The following CSMD1 variants were observed in gnomAD, a reference collection of about 807,000 sequenced individuals.
CSMD1 encodes CUB and sushi domain-containing protein 1.
A neutral mutation model predicts 417.5 loss-of-function variants in CSMD1; 213 were observed. That is an observed-to-expected ratio of 0.51 (90% CI 0.46 to 0.57). The LOEUF (loss-of-function observed/expected upper bound fraction) is 0.57, where lower values mean the gene tolerates loss of function less well. Ranked by LOEUF, CSMD1 falls within the 20% of genes least tolerant of loss-of-function variation. CSMD1 has a pLI of 0.00. For missense variants in CSMD1, 6,923 were observed against 4,529.7 expected (o/e 1.53, Z -15.17); for synonymous variants, 2,862 against 1,736.8 (o/e 1.65, Z -16.11).
At chr8:4,969,475 TTC>T (rs965696426) in intron 1 of CSMD1, among the ~76,000 whole-genome samples, 2 of 151,076 alleles carry the variant, frequency 1.3e-5, no homozygotes, top group Non-Finnish European at 2.9e-5. Flanking sequence ...TATTCATTCA[TTC>T]TCTCTCTCTC....
chr8:3,122,349 C>G (rs1817258367), intron 41 of CSMD1, among the ~76,000 whole-genome samples: 1 of 152,204 alleles, frequency 6.6e-6, no homozygotes, highest in African/African-American at 2.4e-5. Flanking sequence ...TACCATGGAA[C>G]TACTGCGTTG....
intron 4 of CSMD1, among the ~76,000 whole-genome samples, chr8:4,002,901 T>A (rs1815802846): frequency 6.6e-6 from 1 of 152,204 alleles, no homozygotes; most frequent in African/African-American, 2.4e-5. Context: ...ATATAATATA[T>A]GGTCTCAAAT....
intron 5 of CSMD1, among the ~76,000 whole-genome samples, chr8:3,935,420 G>A (rs1236290723): frequency 6.6e-6 from 1 of 152,082 alleles, no homozygotes; most frequent in Admixed American, 6.5e-5. Flanking sequence ...AAATAACTGG[G>A]TTTTTGAAAA....
chr8:4,264,184 G>C (rs754506634), intron 3 of CSMD1, among the ~76,000 whole-genome samples: 1 of 152,126 alleles, frequency 6.6e-6, no homozygotes, highest in Middle Eastern at 3.2e-3. Context: ...CTGTTATGTG[G>C]TGATGATGAT....
At chr8:4,630,017 T>A (rs529443248) in intron 2 of CSMD1, among the ~76,000 whole-genome samples, 2 of 152,242 alleles carry the variant, frequency 1.3e-5, no homozygotes, top group East Asian at 3.9e-4. Context: ...TCTCTGCCCA[T>A]ATTAGTATGG....
chr8:4,738,604 T>C (rs1028416039), intron 1 of CSMD1, among the ~76,000 whole-genome samples: 2 of 152,108 alleles, frequency 1.3e-5, no homozygotes, highest in Admixed American at 6.6e-5. Context: ...TATATCACCA[T>C]CTAGCATCTG....
intron 3 of CSMD1, among the ~76,000 whole-genome samples, chr8:4,282,603 C>A (rs1445936289): frequency 6.6e-6 from 1 of 152,152 alleles, no homozygotes; most frequent in Non-Finnish European, 1.5e-5. Context: ...AGATTACAGT[C>A]AGGGAGAAAG....
intron 21 of CSMD1, among the ~76,000 whole-genome samples, chr8:3,355,811 G>T (rs1448259554): frequency 6.6e-6 from 1 of 152,082 alleles, no homozygotes; most frequent in Non-Finnish European, 1.5e-5. Context: ...GCCAATGTGG[G>T]CAACTTTTTC....
intron 1 of CSMD1, among the ~76,000 whole-genome samples, chr8:4,933,545 G>A (rs558032225): frequency 7.9e-5 from 12 of 152,256 alleles, no homozygotes; most frequent in South Asian, 6.2e-4. Flanking sequence ...AAATACTTTC[G>A]AAAAGTAGCA....
At chr8:4,222,221 T>C (rs993116933) in intron 3 of CSMD1, among the ~76,000 whole-genome samples, 1 of 152,158 alleles carries the variant, frequency 6.6e-6, no homozygotes, top group African/African-American at 2.4e-5. Context: ...TCAAGATTCC[T>C]GTAACACGCA....
At chr8:3,420,794 G>A (rs890877664) in intron 12 of CSMD1, among the ~76,000 whole-genome samples, 5 of 152,058 alleles carry the variant, frequency 3.3e-5, no homozygotes, top group African/African-American at 7.2e-5. Flanking sequence ...ACCATTCTGC[G>A]CATGGATTGA....
intron 2 of CSMD1, among the ~76,000 whole-genome samples, chr8:4,545,037 A>AT (rs1246547332): frequency 6.6e-6 from 1 of 152,240 alleles, no homozygotes; most frequent in African/African-American, 2.4e-5. Context: ...GCATGCACCC[A>AT]TTTAAACAAT....
chr8:3,512,806 A>G (rs1426158448), intron 10 of CSMD1, among the ~76,000 whole-genome samples: 1 of 151,808 alleles, frequency 6.6e-6, no homozygotes, highest in Non-Finnish European at 1.5e-5. Context: ...GGGTTTCACC[A>G]TGTTGGCTAG....
chr8:4,218,261 C>T (rs755078494), intron 3 of CSMD1, among the ~76,000 whole-genome samples: 3 of 152,072 alleles, frequency 2.0e-5, no homozygotes, highest in Admixed American at 1.3e-4. Context: ...ATCTGAATTG[C>T]GTGTGACAAT....
At chr8:4,497,586 G>T (rs1204773421) in intron 2 of CSMD1, among the ~76,000 whole-genome samples, 1 of 152,182 alleles carries the variant, frequency 6.6e-6, no homozygotes, top group African/African-American at 2.4e-5. Context: ...TACACATGGT[G>T]GATGCTGCCA....
chr8:4,115,298 C>T (rs1367183679), intron 3 of CSMD1, among the ~76,000 whole-genome samples: 7 of 152,070 alleles, frequency 4.6e-5, no homozygotes, highest in African/African-American at 1.7e-4. Context: ...GCATTTTTGG[C>T]AACAAAATAT....
chr8:4,068,124 C>A (rs1421309757), intron 3 of CSMD1, among the ~76,000 whole-genome samples: 1 of 152,086 alleles, frequency 6.6e-6, no homozygotes, highest in Non-Finnish European at 1.5e-5. Flanking sequence ...TGAGTGTCTT[C>A]TTGCAGAGCC....
intron 11 of CSMD1, among the ~76,000 whole-genome samples, chr8:3,491,841 C>A (rs2117293772): frequency 6.6e-6 from 1 of 152,326 alleles, no homozygotes; most frequent in African/African-American, 2.4e-5. Context: ...CAGCCCCACA[C>A]CACCCGGCGG....
chr8:4,552,576 G>A (rs563975615), intron 2 of CSMD1, among the ~76,000 whole-genome samples: 5 of 152,086 alleles, frequency 3.3e-5, no homozygotes, highest in Middle Eastern at 3.4e-3. Context: ...TTGGGCATCC[G>A]GTTCTCCTGA....
Sources: allele counts gnomAD v4.1 joint callset (sites outside exome capture counted in the v4.1 genomes callset), GRCh38; gene constraint gnomAD v4.1.1; transcripts MANE v1.5; gene names NCBI Gene and HGNC (gene_info 2026-07-23, HGNC 2026-07-21).